The following ITGB3BP variants were observed in gnomAD, a reference collection of about 807,000 sequenced individuals.
ITGB3BP encodes the protein centromere protein R.
In ITGB3BP, 27 loss-of-function variants were observed where a neutral mutation model predicts 29.1. The observed-to-expected ratio is 0.93, with a 90% confidence interval of 0.68 to 1.28. The LOEUF (loss-of-function observed/expected upper bound fraction) is 1.28, where lower values mean the gene tolerates loss of function less well. ITGB3BP is among the 50% of genes most tolerant of loss of function. ITGB3BP has a pLI of 0.00. For synonymous variants in ITGB3BP, 61 were observed against 61.4 expected (o/e 0.99, Z 0.03); for missense variants, 192 against 200.2 (o/e 0.96, Z 0.25).
In ITGB3BP at chr1:63,519,860, TCTCTCAGAAAA is replaced by T. The variant is rs1646411138; in HGVS notation, c.5+3258_5+3268del. On this transcript the variant is annotated intron_variant, in intron 1 of 8. Transcript: ENST00000271002. ...GAAAAAATATAGCACATTTTAAAGT[TCTCTCAGAAAA>T]CTCTCAGACTATAAATACAGCAGCA... Among the ~76,000 whole-genome samples, 6 of 152,196 alleles carry T rather than the reference TCTCTCAGAAAA, an allele frequency of 3.9e-5. No individual in the cohort carries two copies. In the South Asian group the frequency reaches 1.2e-3, roughly 32 times the overall value.
At position 63,517,033 on chromosome 1, in the gene ITGB3BP, C is replaced by A. The variant is rs556959917; in HGVS notation, c.5+6096G>T. ...TAAGTTAGGTATAAATGATCATACT[C>A]AAAAAAAGAAAGTACAAAGAAGGAA... On this transcript the variant is annotated intron_variant, in intron 1 of 8. Transcript: ENST00000271002. 2.7e-5 allele frequency among the ~76,000 whole-genome samples: 4 copies of A among 150,736 alleles called. No individual in the cohort carries two copies. In the East Asian group the frequency reaches 7.8e-4, roughly 29 times the overall value.
chr1:63,528,221 T>A (rs1262516546), upstream of ITGB3BP, among the ~76,000 whole-genome samples: 1 of 152,152 alleles, frequency 6.6e-6, no homozygotes, highest in East Asian at 1.9e-4. Context: ...AAGTGGTACA[T>A]ATACACAGTG....
chr1:63,459,047 T>C (rs141347158), intron 4 of ITGB3BP, among the ~76,000 whole-genome samples: 294 of 152,210 alleles, frequency 1.9e-3, no homozygotes, highest in African/African-American at 6.7e-3. Context: ...TTTGTTTTCA[T>C]TGCTCCTAGT....
At chr1:63,509,748 C>A (rs570342676) in intron 1 of ITGB3BP, among the ~76,000 whole-genome samples, 1 of 152,226 alleles carries the variant, frequency 6.6e-6, no homozygotes, top group Admixed American at 6.5e-5. Flanking sequence ...TACTTAATAT[C>A]AATTTAATCT....
At chr1:63,495,982 C>A (rs1186070925) in intron 2 of ITGB3BP, among the ~76,000 whole-genome samples, 1 of 151,982 alleles carries the variant, frequency 6.6e-6, no homozygotes, top group Non-Finnish European at 1.5e-5. Flanking sequence ...AGATAGGGAG[C>A]CGGGAACTAT....
intron 4 of ITGB3BP, among the ~76,000 whole-genome samples, chr1:63,474,129 C>T (rs1570192688): frequency 1.7e-5 from 2 of 119,652 alleles, no homozygotes; most frequent in African/African-American, 3.0e-5. Flanking sequence ...CCAGCCGCCC[C>T]GTCCGGGAGG....
chr1:63,490,197 T>G lies in ITGB3BP; in HGVS notation c.70A>C (p.Thr24Pro). 6.3e-7 allele frequency: 1 copy of G among 1,579,140 alleles called. No homozygotes were observed. Among genetic ancestry groups the G allele is most frequent in the Non-Finnish European group, 8.7e-7 (1 of 1,151,282 alleles). The change falls in exon 3 of 9, where the codon ACA becomes CCA. Residue 24 changes from threonine to proline, a missense_variant. Physicochemically the swap from Thr to Pro is conservative, Grantham distance 38 (BLOSUM62 -1). Transcript: ENST00000271002. ...EENSFDPSKI[T>P]RKKSVITYSP... ...TAAGTTATAACACTTTTCTTCCTTG[T>G]GATTTTTGAAGGATCAAATGACTGG...
At chr1:63,488,296 GT>G (rs1021805809) in intron 3 of ITGB3BP, among the ~76,000 whole-genome samples, 54 of 151,852 alleles carry the variant, frequency 3.6e-4, no homozygotes, top group Non-Finnish European at 7.5e-4. Context: ...GGCTAAAGTA[GT>G]GTAAAAAAGG....
At position 63,440,812 on chromosome 1, in the gene ITGB3BP, TA is replaced by T. The variant is rs1644720676; in HGVS notation, c.*292del. On this transcript the variant is annotated 3_prime_UTR_variant, in exon 9 of 9. Transcript: ENST00000271002. ...CTTTATTAAGTCTACCCACAAATGC[TA>T]AAAGTCCACAGAAGTGTATGTGGTA... 1 of 152,750 alleles carries T rather than the reference TA, an allele frequency of 6.5e-6. No homozygotes were observed. Among genetic ancestry groups the T allele is most frequent in the East Asian group, 1.9e-4 (1 of 5,184 alleles). 9.5% of individuals were successfully genotyped at this position (152,750 alleles called of 1,614,324 possible).
At chr1:63,491,892 C>T (rs752840726) in intron 2 of ITGB3BP, among the ~76,000 whole-genome samples, 7 of 146,278 alleles carry the variant, frequency 4.8e-5, no homozygotes, top group Non-Finnish European at 1.1e-4. Context: ...TTATTATTAC[C>T]TCTCCATCTT....
chr1:63,463,671 T>TTA (rs1393524917), intron 4 of ITGB3BP, among the ~76,000 whole-genome samples: 1 of 152,188 alleles, frequency 6.6e-6, no homozygotes, highest in Non-Finnish European at 1.5e-5. Context: ...TCGCAGTAAA[T>TTA]TATATATATT....
intron 3 of ITGB3BP, among the ~76,000 whole-genome samples, chr1:63,485,916 T>C (rs1159210630): frequency 6.6e-6 from 1 of 152,046 alleles, no homozygotes; most frequent in African/African-American, 2.4e-5. Flanking sequence ...CTGTTTTACT[T>C]TACCCTGCCC....
intron 4 of ITGB3BP, among the ~76,000 whole-genome samples, chr1:63,469,888 G>GTT (rs1451411010): frequency 6.6e-6 from 1 of 152,196 alleles, no homozygotes; most frequent in African/African-American, 2.4e-5. Flanking sequence ...CATGATGGCC[G>GTT]TAACGCCCAC....
intron 4 of ITGB3BP, among the ~76,000 whole-genome samples, chr1:63,473,558 T>C (rs372429684): frequency 0.93 from 87,963 of 94,182 alleles, 41,184 homozygotes; most frequent in Middle Eastern, 1. Context: ...CTGCCCCATC[T>C]GGGAGGGGGG....
intron 1 of ITGB3BP, among the ~76,000 whole-genome samples, chr1:63,516,096 T>C (rs114786454): frequency 8.0e-5 from 12 of 150,558 alleles, no homozygotes; most frequent in African/African-American, 2.9e-4. Context: ...TGAATAGAGC[T>C]GGAAATCATT....
intron 4 of ITGB3BP, among the ~76,000 whole-genome samples, chr1:63,472,803 G>A (rs1210222827): frequency 6.6e-6 from 1 of 151,884 alleles, no homozygotes; most frequent in African/African-American, 2.4e-5. Context: ...CTGGAGTGCA[G>A]TGGCGTGATC....
chr1:63,443,780 G>A (rs1325251339), intron 8 of ITGB3BP, among the ~76,000 whole-genome samples: 2 of 152,054 alleles, frequency 1.3e-5, no homozygotes, highest in East Asian at 3.9e-4. Flanking sequence ...GCGTTTGGAT[G>A]TGGGGACAAA....
intron 4 of ITGB3BP, among the ~76,000 whole-genome samples, chr1:63,472,194 C>G (rs1277218829): frequency 6.6e-6 from 1 of 151,292 alleles, no homozygotes; most frequent in African/African-American, 2.4e-5. Flanking sequence ...GATTAGTATT[C>G]ATTAATTCCT....
chr1:63,515,556 G>A (rs559240812), intron 1 of ITGB3BP, among the ~76,000 whole-genome samples: 17 of 152,088 alleles, frequency 1.1e-4, no homozygotes, highest in East Asian at 3.9e-4. Flanking sequence ...CGCCAGGCAC[G>A]ATGGTTCACG....
Sources: gnomAD v4.1 joint callset for allele counts (sites outside exome capture counted in the v4.1 genomes callset) on GRCh38, gnomAD v4.1.1 for gene constraint, MANE v1.5 for transcripts, NCBI Gene and HGNC (gene_info 2026-07-23, HGNC 2026-07-21) for gene names.